The following STK26 variants were observed in gnomAD, a reference collection of about 807,000 sequenced individuals.
STK26 encodes the protein serine/threonine-protein kinase 26.
STK26 carries 14 observed loss-of-function variants against 34.7 expected under a neutral mutation model. The ratio of observed to expected loss-of-function variants is 0.40; its 90% confidence interval spans 0.27 to 0.63. The LOEUF (loss-of-function observed/expected upper bound fraction) is 0.63, where lower values mean the gene tolerates loss of function less well. STK26 is among the 30% of genes least tolerant of loss of function. STK26 has a pLI of 0.38. For missense variants in STK26, 226 were observed against 309.1 expected (o/e 0.73, Z 2.02); for synonymous variants, 100 against 109.8 (o/e 0.91, Z 0.56).
Position 132,023,665 on chromosome X carries a change from G to A in STK26, c.42+6G>A. 1 of 1,178,793 alleles carries A rather than the reference G, an allele frequency of 8.5e-7. No homozygotes were observed. The highest frequency in any genetic ancestry group is 1.1e-6 in the Non-Finnish European group (1 of 879,233). On this transcript the variant is annotated splice_donor_region_variant and intron_variant, in intron 2 of 11. Transcript: ENST00000394334. ...TCCAAGTGCCTGGGATGCAGGTGAGGAAGCGCAGGCCGCCCCCGCCGCCCA... is the reference window on the plus strand; with the variant it reads ...TCCAAGTGCCTGGGATGCAGGTGAGAAAGCGCAGGCCGCCCCCGCCGCCCA...
At chrX:132,056,179 A>G (rs764970828) in intron 3 of STK26, among the ~76,000 whole-genome samples, 1 of 112,158 alleles carries the variant, frequency 8.9e-6, no homozygotes, top group East Asian at 2.8e-4. Context: ...CTACTGGGAA[A>G]CTACTGTGTT....
chrX:132,039,015 AAAAC>A (rs775616813), intron 2 of STK26, among the ~76,000 whole-genome samples: 4 of 111,283 alleles, frequency 3.6e-5, no homozygotes, highest in Admixed American at 1.9e-4. Context: ...CTTTATGCTT[AAAAC>A]AAACAAACAA....
chrX:132,033,054 T>C (rs765304328), intron 2 of STK26, among the ~76,000 whole-genome samples: 12 of 111,475 alleles, frequency 1.1e-4, no homozygotes, highest in Admixed American at 2.9e-4. Flanking sequence ...TACAGTATAT[T>C]ATATTAAGCT....
At position 132,055,649 on chromosome X, in the gene STK26, T is replaced by C. The variant is rs184083296; in HGVS notation, c.273+788T>C. ...CTAGCTTAGTTTGGAGTTTGAATCATTTTAAAATTAAAATTGTTTATCCTT... is the reference window on the plus strand; with the variant it reads ...CTAGCTTAGTTTGGAGTTTGAATCACTTTAAAATTAAAATTGTTTATCCTT... On this transcript the variant is annotated intron_variant, in intron 3 of 11. Transcript: ENST00000394334. 719 of 540,185 alleles carry C rather than the reference T, an allele frequency of 1.3e-3. 6 individuals carry two copies. In the African/African-American group the frequency reaches 0.014, roughly 11 times the overall value. The allele number at this position is 540,185 out of a possible 1,213,427, so 44.5% of individuals were successfully genotyped here. A position where few individuals can be genotyped will look rare whatever the true frequency, so the allele number is the denominator to read the frequency against.
chrX:132,072,136 A>G, intron 8 of STK26, 132 bp from the exon 9 acceptor site: 1 of 501,728 alleles, frequency 2.0e-6, no homozygotes, highest in East Asian at 3.7e-5. Context: ...CTGAGATCAG[A>G]TGCTTTTTTG....
chrX:132,070,839 C>T (rs1432411968), intron 7 of STK26, among the ~76,000 whole-genome samples: 1 of 112,845 alleles, frequency 8.9e-6, no homozygotes, highest in Admixed American at 9.3e-5. Context: ...ACCTGCTGCC[C>T]GTTGGGCTTT....
intron 11 of STK26, among the ~76,000 whole-genome samples, chrX:132,073,799 G>T (rs2038940123): frequency 9.0e-6 from 1 of 111,094 alleles, no homozygotes; most frequent in Non-Finnish European, 1.9e-5. Flanking sequence ...CACTGGGATC[G>T]AGATGGAACA....
At position 132,069,471 on chromosome X, in the gene STK26, A is replaced by G. The variant is rs755109657; in HGVS notation, c.598-7A>G. 3.3e-6 allele frequency: 3 copies of G among 900,196 alleles called. No individual in the cohort carries two copies. The Admixed American group carries it at 1.4e-4, about 43-fold the overall frequency. The allele number at this position is 900,196 out of a possible 1,213,427, so 74.2% of individuals were successfully genotyped here. On this transcript the variant is annotated splice_polypyrimidine_tract_variant and splice_region_variant and intron_variant, in intron 6 of 11. Coordinates refer to ENST00000394334, the MANE Select transcript of STK26 (RefSeq NM_016542.4). ...TATATATTATTTTCTTTTTCCTTTTACGTTAGGCTGACATTTGGTCATTGG... is the reference window on the plus strand; with the variant it reads ...TATATATTATTTTCTTTTTCCTTTTGCGTTAGGCTGACATTTGGTCATTGG...
chrX:132,036,618 C>T (rs1926061028), intron 2 of STK26, among the ~76,000 whole-genome samples: 1 of 111,423 alleles, frequency 9.0e-6, no homozygotes, highest in Non-Finnish European at 1.9e-5. Context: ...TAATTTAAGC[C>T]GTATTTAATT....
chrX:132,068,403 T>C lies in STK26; in HGVS notation c.440-9T>C. 3 of 1,201,163 alleles carry C rather than the reference T, an allele frequency of 2.5e-6. No homozygotes were observed. The highest frequency in any genetic ancestry group is 3.6e-5 in the South Asian group (2 of 54,896). On this transcript the variant is annotated splice_polypyrimidine_tract_variant and intron_variant, in intron 5 of 11. Transcript: ENST00000394334. ...GAGTTTTTTTTTGCTTTTCTTTTTT[T>C]CCTCCTAGCTGCCAATGTCTTGCTC...
At chrX:132,072,523 G>T (rs1927447657) in intron 9 of STK26, among the ~76,000 whole-genome samples, 162 bp downstream of exon 9, 1 of 108,262 alleles carries the variant, frequency 9.2e-6, no homozygotes, top group Non-Finnish European at 1.9e-5. Flanking sequence ...AGCTAATTAA[G>T]AAAAGTTAAT....
chrX:132,055,470 C>T (rs1926825410), intron 3 of STK26: 4 of 1,154,557 alleles, frequency 3.5e-6, no homozygotes, highest in Non-Finnish European at 4.6e-6. Flanking sequence ...ATGGGATTAG[C>T]AGACACCTGA....
chrX:132,049,440 A>C (rs1926611684), intron 2 of STK26, among the ~76,000 whole-genome samples: 2 of 112,576 alleles, frequency 1.8e-5, no homozygotes, highest in South Asian at 7.4e-4. Context: ...CAACTAGAGA[A>C]TGACTTTTAT....
chrX:132,037,376 T>C (rs759761108), intron 2 of STK26, among the ~76,000 whole-genome samples: 1 of 111,632 alleles, frequency 9.0e-6, no homozygotes, highest in African/African-American at 3.3e-5. Flanking sequence ...GTACAGACAA[T>C]GGGAAATGGC....
intron 2 of STK26, among the ~76,000 whole-genome samples, chrX:132,052,553 A>G (rs1450149799): frequency 8.9e-6 from 1 of 112,267 alleles, no homozygotes; most frequent in African/African-American, 3.2e-5. Flanking sequence ...GTGCTTCTTT[A>G]AAATGCAAAA....
Position 132,036,832 on chromosome X carries a change from A to G in STK26, c.42+13173A>G, listed in dbSNP as rs192647933. ...GCACATGAAGTATATTTTACATTTG[A>G]AAATACTTTTAATCTGTCTTGTAAA... On this transcript the variant is annotated intron_variant, in intron 2 of 11. Transcript: ENST00000394334. 1.8e-3 allele frequency among the ~76,000 whole-genome samples: 197 copies of G among 112,225 alleles called. 2 individuals carry two copies. Among genetic ancestry groups the G allele is most frequent in the Middle Eastern group, 0.014 (3 of 216 alleles).
rs1927446473 is a variant in STK26, at chrX:132,072,468, C to G, written c.1026+107C>G. ...GGATTGAATACCCCTAAATGCCTGT[C>G]TGCCTCACTGTGTTTGTAGTATGCT... On this transcript the variant is annotated intron_variant, in intron 9 of 11. Transcript: ENST00000394334. 9 of 629,722 alleles carry G rather than the reference C, an allele frequency of 1.4e-5. No homozygotes were observed. In the Admixed American group the frequency reaches 2.7e-4, roughly 19 times the overall value. 51.9% of individuals were successfully genotyped at this position (629,722 alleles called of 1,213,427 possible). A position where few individuals can be genotyped will look rare whatever the true frequency, so the allele number is the denominator to read the frequency against.
At chrX:132,036,509 C>T (rs1207406379) in intron 2 of STK26, among the ~76,000 whole-genome samples, 2 of 111,718 alleles carry the variant, frequency 1.8e-5, no homozygotes, top group Non-Finnish European at 3.8e-5. Flanking sequence ...GGAGGAGAAT[C>T]ACTTGAACCT....
intron 2 of STK26, among the ~76,000 whole-genome samples, chrX:132,024,580 C>T (rs140444451): frequency 0.048 from 5,372 of 110,927 alleles, 220 homozygotes; most frequent in Admixed American, 0.19. Flanking sequence ...ATGGCCTAAA[C>T]AACCCATTTA....
Sources: gnomAD v4.1 joint callset for allele counts (sites outside exome capture counted in the v4.1 genomes callset) on GRCh38, gnomAD v4.1.1 for gene constraint, MANE v1.5 for transcripts, NCBI Gene and HGNC (gene_info 2026-07-23, HGNC 2026-07-21) for gene names.